The following MED27 variants were observed in gnomAD, a reference collection of about 807,000 sequenced individuals.
MED27 encodes the protein mediator of RNA polymerase II transcription subunit 27.
In MED27, 30 loss-of-function variants were observed where a neutral mutation model predicts 38.2. That is an observed-to-expected ratio of 0.79 (90% CI 0.59 to 1.07). The LOEUF (loss-of-function observed/expected upper bound fraction) is 1.07, where lower values mean the gene tolerates loss of function less well. Among genes scored for constraint, MED27 ranks in the 50% least tolerant of loss-of-function variants. The pLI is 0.00. For missense variants in MED27, 289 were observed against 397.5 expected, an observed-to-expected ratio of 0.73 and a Z score of 2.32; for synonymous variants, 122 against 153.5, an observed-to-expected ratio of 0.79 and a Z score of 1.52.
At chr9:131,956,609 C>T (rs1255251182) in intron 3 of MED27, among the ~76,000 whole-genome samples, 11 of 146,082 alleles carry the variant, frequency 7.5e-5, no homozygotes, top group African/African-American at 2.8e-4. Context: ...AGTGAGACTC[C>T]GCCTCAAAAA....
chr9:132,034,540 C>T (rs992702954), intron 2 of MED27, among the ~76,000 whole-genome samples: 7 of 152,316 alleles, frequency 4.6e-5, no homozygotes, highest in Admixed American at 4.6e-4. Context: ...TCACAAGGTA[C>T]ATCTCACTTT....
chr9:131,974,363 G>A (rs1831557898), intron 3 of MED27, among the ~76,000 whole-genome samples: 1 of 152,246 alleles, frequency 6.6e-6, no homozygotes, highest in Non-Finnish European at 1.5e-5. Flanking sequence ...TACAGATCAA[G>A]TAGGAATCCC....
chr9:131,868,789 C>T, intron 6 of MED27: 1 of 985,464 alleles, frequency 1.0e-6, no homozygotes, highest in Non-Finnish European at 1.2e-6. Flanking sequence ...CCGCCATCTC[C>T]CAGGGCAGGT....
At chr9:131,884,136 C>G (rs748353839) in intron 5 of MED27, 37 bp from the exon 6 acceptor site, 1 of 1,557,700 alleles carries the variant, frequency 6.4e-7, no homozygotes, top group Non-Finnish European at 8.7e-7. Flanking sequence ...CAGCATCGGT[C>G]TTAGAATTCG....
intron 5 of MED27, among the ~76,000 whole-genome samples, chr9:131,891,145 C>T (rs1296267231): frequency 6.6e-6 from 1 of 152,142 alleles, no homozygotes; most frequent in African/African-American, 2.4e-5. Context: ...TGGCATTCAG[C>T]CACTGTAAAG....
chr9:132,065,984 C>T (rs775997383), intron 2 of MED27, among the ~76,000 whole-genome samples: 1 of 152,224 alleles, frequency 6.6e-6, no homozygotes, highest in Non-Finnish European at 1.5e-5. Context: ...TGATGCCCAA[C>T]CTGGTCACCA....
intron 3 of MED27, among the ~76,000 whole-genome samples, chr9:132,006,672 A>G (rs11243593): frequency 2.0e-5 from 3 of 152,200 alleles, no homozygotes; most frequent in Non-Finnish European, 2.9e-5. Flanking sequence ...ACAACCTTAA[A>G]AAAGGTCTCA....
At chr9:131,954,864 A>T (rs1053285598) in intron 3 of MED27, among the ~76,000 whole-genome samples, 1 of 152,188 alleles carries the variant, frequency 6.6e-6, no homozygotes, top group Non-Finnish European at 1.5e-5. Context: ...TAACAATCCT[A>T]AATGTGTATG....
At chr9:131,939,542 C>A (rs1170787588) in intron 3 of MED27, 68 bp from the exon 4 acceptor site, 3 of 918,750 alleles carry the variant, frequency 3.3e-6, no homozygotes, top group Non-Finnish European at 4.8e-6. Flanking sequence ...TAATAGTATT[C>A]AAAAGACATT....
Position 131,863,489 on chromosome 9 carries a change from C to T in MED27, c.724-349G>A, listed in dbSNP as rs558538427. 5.3e-5 allele frequency among the ~76,000 whole-genome samples: 8 copies of T among 152,278 alleles called. No individual in the cohort carries two copies. In the South Asian group the frequency reaches 6.2e-4, roughly 12 times the overall value. On this transcript the variant is annotated intron_variant, in intron 6 of 7. Coordinates refer to ENST00000292035, the MANE Select transcript of MED27 (RefSeq NM_004269.4). Reference sequence around the variant, plus strand: ...CCAAGCCTCCCTGCTCAGCAAGGCGCGGCACACACAGCACATACGACAAGG... The same window carrying T: ...CCAAGCCTCCCTGCTCAGCAAGGCGTGGCACACACAGCACATACGACAAGG...
intron 6 of MED27, among the ~76,000 whole-genome samples, chr9:131,866,823 C>A (rs935731857): frequency 1.2e-4 from 19 of 152,232 alleles, no homozygotes; most frequent in Non-Finnish European, 1.9e-4. Context: ...GCTTTCCCTG[C>A]ACTCAGGATG....
intron 6 of MED27, among the ~76,000 whole-genome samples, chr9:131,873,411 C>T (rs1007864722): frequency 4.6e-5 from 7 of 152,298 alleles, no homozygotes; most frequent in Admixed American, 3.9e-4. Context: ...TGCGCAGAGA[C>T]GAGCTTCTCA....
intron 2 of MED27, among the ~76,000 whole-genome samples, chr9:132,043,753 C>T (rs1317254303): frequency 6.6e-6 from 1 of 152,020 alleles, no homozygotes; most frequent in Non-Finnish European, 1.5e-5. Context: ...CAAAGCTCTA[C>T]AGTATAGTAG....
chr9:131,866,855 T>C (rs766629561), intron 6 of MED27, among the ~76,000 whole-genome samples: 3 of 152,214 alleles, frequency 2.0e-5, no homozygotes, highest in African/African-American at 7.2e-5. Context: ...GTGAACTCCA[T>C]GTGAAACCCT....
chr9:132,038,953 C>A (rs1833144481), intron 2 of MED27, among the ~76,000 whole-genome samples: 1 of 152,176 alleles, frequency 6.6e-6, no homozygotes, highest in South Asian at 2.1e-4. Context: ...GAACAGGCAG[C>A]AGAGCGGAGA....
chr9:132,053,802 T>G (rs1833516129), intron 2 of MED27, among the ~76,000 whole-genome samples: 1 of 152,094 alleles, frequency 6.6e-6, no homozygotes, highest in Admixed American at 6.5e-5. Context: ...AAGCGTGGAG[T>G]GTACCCCTGG....
intron 3 of MED27, among the ~76,000 whole-genome samples, chr9:131,955,605 G>A (rs1434240464): frequency 1.3e-5 from 2 of 152,204 alleles, no homozygotes; most frequent in Admixed American, 6.5e-5. Flanking sequence ...CATTAGAAGA[G>A]AATACTATGA....
At chr9:132,039,214 G>A (rs1427717954) in intron 2 of MED27, among the ~76,000 whole-genome samples, 1 of 152,168 alleles carries the variant, frequency 6.6e-6, no homozygotes, top group East Asian at 1.9e-4. Flanking sequence ...TTGCCGTACA[G>A]TTTAACTTTA....
At chr9:132,053,017 G>A (rs1564341696) in intron 2 of MED27, among the ~76,000 whole-genome samples, 1 of 151,944 alleles carries the variant, frequency 6.6e-6, no homozygotes, top group African/African-American at 2.4e-5. Flanking sequence ...ACTTTGGGAG[G>A]CCGAGGTGGG....
Sources: gnomAD v4.1 joint callset for allele counts (sites outside exome capture counted in the v4.1 genomes callset) on GRCh38, gnomAD v4.1.1 for gene constraint, MANE v1.5 for transcripts, NCBI Gene and HGNC (gene_info 2026-07-23, HGNC 2026-07-21) for gene names.